RBBP8: variants seen among roughly 807,000 people sequenced by gnomAD.
RBBP8 encodes RB binding protein 8, endonuclease.
Under a neutral mutation model 108.3 loss-of-function variants are expected in RBBP8, and 88 were observed. That is an observed-to-expected ratio of 0.81 (90% CI 0.68 to 0.97). RBBP8 has a LOEUF of 0.97. Ranked by LOEUF, RBBP8 falls within the 50% of genes least tolerant of loss-of-function variation. The pLI is 0.00. For synonymous variants in RBBP8, 332 were observed against 348.2 expected, an observed-to-expected ratio of 0.95 and a Z score of 0.52; for missense variants, 1,023 against 1,049.0, an observed-to-expected ratio of 0.98 and a Z score of 0.34.
At chr18:23,015,260 C>A (rs926427573) in intron 16 of RBBP8, among the ~76,000 whole-genome samples, 2 of 151,948 alleles carry the variant, frequency 1.3e-5, no homozygotes, top group African/African-American at 4.8e-5. Context: ...GTTCTCTGGG[C>A]AGAAGAAGTT....
chr18:22,934,561 T>C (rs1404369462), intron 1 of RBBP8, among the ~76,000 whole-genome samples: 6 of 152,230 alleles, frequency 3.9e-5, no homozygotes, highest in Non-Finnish European at 7.4e-5. Flanking sequence ...CTAGGGTACA[T>C]ATGCACGACG....
intron 16 of RBBP8, among the ~76,000 whole-genome samples, chr18:23,006,888 A>G (rs1169012690): frequency 2.0e-5 from 3 of 152,166 alleles, no homozygotes; most frequent in Non-Finnish European, 4.4e-5. Context: ...GGTCATAAAA[A>G]AGAGACTCAA....
chr18:22,968,683 A>G (rs898983051), intron 4 of RBBP8, 123 bp from the exon 5 acceptor site: 2 of 741,532 alleles, frequency 2.7e-6, no homozygotes, highest in South Asian at 1.5e-5. Flanking sequence ...TAATAACATC[A>G]TTAATCTAGT....
intron 16 of RBBP8, among the ~76,000 whole-genome samples, chr18:23,011,771 A>G (rs1331736336): frequency 6.6e-6 from 1 of 152,066 alleles, no homozygotes; most frequent in African/African-American, 2.4e-5. Flanking sequence ...TTGGGTCATC[A>G]TGAACGATGC....
At chr18:22,981,218 T>C (rs10048252) in intron 6 of RBBP8, among the ~76,000 whole-genome samples, 150,153 of 151,970 alleles carry the variant, frequency 0.99, 74,209 homozygotes, top group East Asian at 1. Flanking sequence ...GATCTGCCCG[T>C]CTCAGCCTCC....
Position 22,958,585 on chromosome 18 carries a change from C to T in RBBP8, c.248+8872C>T, listed in dbSNP as rs761170919. 2.6e-5 allele frequency among the ~76,000 whole-genome samples: 4 copies of T among 152,196 alleles called. No homozygotes were observed. In the East Asian group the frequency reaches 5.8e-4, roughly 22 times the overall value. On this transcript the variant is annotated intron_variant, in intron 4 of 18. Coordinates refer to ENST00000327155, the MANE Select transcript of RBBP8 (RefSeq NM_002894.3). ...GTTTGTTTGTTTTGAGGCAGGGTCT[C>T]GCTCTGCTGGAGTGCAGTGGCGCGA...
intron 17 of RBBP8, among the ~76,000 whole-genome samples, chr18:23,018,379 A>C (rs531797903): frequency 6.6e-6 from 1 of 152,116 alleles, no homozygotes; most frequent in African/African-American, 2.4e-5. Context: ...AACAAGATAT[A>C]ATGAATAAAT....
chr18:22,993,921 T>C, intron 12 of RBBP8, 74 bp downstream of exon 12: 2 of 1,478,980 alleles, frequency 1.4e-6, no homozygotes, highest in Non-Finnish European at 9.3e-7. Flanking sequence ...CTTTTTTAAA[T>C]AGATTGAATT....
chr18:22,948,224 A>G (rs933007462), intron 3 of RBBP8, among the ~76,000 whole-genome samples: 3 of 152,110 alleles, frequency 2.0e-5, no homozygotes, highest in Non-Finnish European at 2.9e-5. Flanking sequence ...TTAAATTTGA[A>G]TACATGTTGG....
At chr18:22,944,860 G>C (rs527581929) in intron 2 of RBBP8, among the ~76,000 whole-genome samples, 2 of 152,114 alleles carry the variant, frequency 1.3e-5, no homozygotes, top group Non-Finnish European at 2.9e-5. Flanking sequence ...TTCTTCTTTA[G>C]TGTCTATGTG....
chr18:22,918,215 T>C (rs79020599), intron 3 of RBBP8, among the ~76,000 whole-genome samples: 149 of 152,324 alleles, frequency 9.8e-4, no homozygotes, highest in African/African-American at 3.3e-3. Flanking sequence ...AAGCGTGACA[T>C]GGATAATTCA....
At chr18:23,014,866 T>C (rs1298568334) in intron 16 of RBBP8, among the ~76,000 whole-genome samples, 1 of 152,054 alleles carries the variant, frequency 6.6e-6, no homozygotes, top group Non-Finnish European at 1.5e-5. Flanking sequence ...AATTTTTCTT[T>C]TTCTTTTTTC....
chr18:22,926,160 C>T lies in RBBP8; in HGVS notation c.-153-3223C>T, dbSNP rs148890126. 3.9e-3 allele frequency among the ~76,000 whole-genome samples: 592 copies of T among 152,300 alleles called. 4 individuals are homozygous for T. Among genetic ancestry groups the T allele is most frequent in the African/African-American group, 0.014 (577 of 41,560 alleles). ...TCATTTTGCTGGCTGCGGTGGCTCA[C>T]ACCTGTAACCCCAGCACTTTGGGAG... is the stretch of plus-strand genomic sequence containing the variant. On this transcript the variant is annotated intron_variant, in intron 3 of 4. Transcript: ENST00000577588.
intron 16 of RBBP8, among the ~76,000 whole-genome samples, chr18:23,014,089 C>T (rs543668125): frequency 1.3e-5 from 2 of 152,266 alleles, no homozygotes; most frequent in South Asian, 2.1e-4. Context: ...ACCTCCGCCT[C>T]CCGAGTTCAA....
At chr18:22,925,968 T>C (rs1909777130) in intron 3 of RBBP8, among the ~76,000 whole-genome samples, 1 of 152,194 alleles carries the variant, frequency 6.6e-6, no homozygotes, top group Admixed American at 6.5e-5. Context: ...AGTTCTGAGA[T>C]CCTTTTAAGT....
intron 3 of RBBP8, 93 bp downstream of exon 3, chr18:22,946,579 C>A (rs1180556833): frequency 6.5e-7 from 1 of 1,536,410 alleles, no homozygotes; most frequent in East Asian, 2.3e-5. Context: ...ATACTGATGT[C>A]CAATTTGACC....
In RBBP8 at chr18:23,022,272, T is replaced by C; in HGVS notation, c.2596+2T>C. 1 of 1,606,068 alleles carries C rather than the reference T, an allele frequency of 6.2e-7. No individual in the cohort carries two copies. The highest frequency in any genetic ancestry group is 8.5e-7 in the Non-Finnish European group (1 of 1,173,214). On this transcript the variant is annotated splice_donor_variant, in intron 18 of 18. Transcript: ENST00000327155. LOFTEE classifies it high-confidence loss of function. ...CCACTCAGACTTGTATGGAAAGAGG[T>C]GAGAGTATAGATTGTAACATTTTAT...
At chr18:22,971,166 T>G (rs141984321) in intron 5 of RBBP8, among the ~76,000 whole-genome samples, 7 of 149,716 alleles carry the variant, frequency 4.7e-5, no homozygotes, top group Non-Finnish European at 1.0e-4. Flanking sequence ...AAAAAAAGCT[T>G]CTTTGAACAC....
chr18:22,940,245 A>G (rs1910960167), intron 2 of RBBP8, among the ~76,000 whole-genome samples: 1 of 151,962 alleles, frequency 6.6e-6, no homozygotes, highest in Non-Finnish European at 1.5e-5. Context: ...TGCTTTATAT[A>G]GTATTGACAT....
Sources: allele counts gnomAD v4.1 joint callset (sites outside exome capture counted in the v4.1 genomes callset), GRCh38; gene constraint gnomAD v4.1.1; transcripts MANE v1.5; gene names NCBI Gene and HGNC (gene_info 2026-07-23, HGNC 2026-07-21).